Variants in ACMSD observed in about 807,000 individuals in gnomAD.
ACMSD encodes the protein 2-amino-3-carboxymuconate-6-semialdehyde decarboxylase.
A neutral mutation model predicts 45.9 loss-of-function variants in ACMSD; 37 were observed. The observed-to-expected ratio is 0.81, with a 90% CI of 0.62 to 1.06. ACMSD has a LOEUF of 1.06. Among genes scored for constraint, ACMSD ranks in the 50% least tolerant of loss-of-function variants. ACMSD has a pLI of 0.00. For missense variants in ACMSD, 434 were observed against 420.9 expected (o/e 1.03, Z -0.27); for synonymous variants, 138 against 148.8 (o/e 0.93, Z 0.53).
chr2:134,882,652 A>G (rs114840694), intron 8 of ACMSD, among the ~76,000 whole-genome samples: 1 of 152,240 alleles, frequency 6.6e-6, no homozygotes, highest in East Asian at 1.9e-4. Flanking sequence ...GGAACAAACT[A>G]AATCTCTGGT....
At chr2:134,900,825 G>A (rs1377413859) in intron 9 of ACMSD, among the ~76,000 whole-genome samples, 1 of 152,154 alleles carries the variant, frequency 6.6e-6, no homozygotes, top group East Asian at 1.9e-4. Context: ...ATAACTGGTG[G>A]GTTATAGTGT....
chr2:134,878,006 G>A (rs1240094476), intron 8 of ACMSD, among the ~76,000 whole-genome samples: 1 of 152,088 alleles, frequency 6.6e-6, no homozygotes, highest in Non-Finnish European at 1.5e-5. Flanking sequence ...TGCCCCAAAA[G>A]TCTCATCCAT....
At chr2:134,882,345 T>C (rs1689085432) in intron 8 of ACMSD, among the ~76,000 whole-genome samples, 1 of 152,126 alleles carries the variant, frequency 6.6e-6, no homozygotes, top group Admixed American at 6.6e-5. Context: ...GCTCTACTAC[T>C]AGTTAGGTGG....
chr2:134,880,414 C>G (rs1157306675), intron 8 of ACMSD, among the ~76,000 whole-genome samples: 1 of 152,054 alleles, frequency 6.6e-6, no homozygotes, highest in Non-Finnish European at 1.5e-5. Flanking sequence ...CTTCCCTCTG[C>G]TTTTTCTCTC....
At chr2:134,874,562 T>C (rs1311507001) in intron 8 of ACMSD, among the ~76,000 whole-genome samples, 6 of 152,002 alleles carry the variant, frequency 3.9e-5, no homozygotes, top group African/African-American at 9.7e-5. Flanking sequence ...AGAAAGAAAA[T>C]AATGGAACTG....
chr2:134,899,668 G>C (rs1056337386), intron 9 of ACMSD, among the ~76,000 whole-genome samples: 1 of 151,826 alleles, frequency 6.6e-6, no homozygotes, highest in African/African-American at 2.4e-5. Context: ...CTTGCATAAA[G>C]GCTTTATACT....
chr2:134,892,837 T>C (rs966807909), intron 8 of ACMSD, among the ~76,000 whole-genome samples: 1 of 152,088 alleles, frequency 6.6e-6, no homozygotes, highest in African/African-American at 2.4e-5. Flanking sequence ...GTTGAGTAAA[T>C]ACTTAGATGA....
chr2:134,864,905 C>T lies in ACMSD; in HGVS notation c.486+1274C>T, dbSNP rs185188335. 5.9e-5 allele frequency among the ~76,000 whole-genome samples: 9 copies of T among 152,302 alleles called. No individual in the cohort carries two copies. In the East Asian group the frequency reaches 1.7e-3, roughly 29 times the overall value. On this transcript the variant is annotated intron_variant, in intron 5 of 9. Transcript: ENST00000356140. ...ACTTTCAACTCTTTCTATAACCAAA[C>T]CTTCTCATCTCAGTACCAGGATTCA...
At chr2:134,842,424 G>A (rs1686847039) in intron 1 of ACMSD, among the ~76,000 whole-genome samples, 3 of 152,060 alleles carry the variant, frequency 2.0e-5, no homozygotes, top group African/African-American at 7.2e-5. Flanking sequence ...TGACCCCAGG[G>A]TATTCTATTT....
rs1216200576 is a variant in ACMSD, at chr2:134,901,973, T to A, written c.*113T>A. 14 of 606,444 alleles carry A rather than the reference T, an allele frequency of 2.3e-5. No homozygotes were observed. The highest frequency in any genetic ancestry group is 6.9e-5 in the Admixed American group (2 of 29,024). The allele number at this position is 606,444 out of a possible 1,614,324, so 37.6% of individuals were successfully genotyped here. A position where few individuals can be genotyped will look rare whatever the true frequency, so the allele number is the denominator to read the frequency against. On this transcript the variant is annotated 3_prime_UTR_variant, in exon 10 of 10. Transcript: ENST00000356140. ...TTGAACTATTTTACTCAGAAATGAA[T>A]GTCCCAAATATCCTAAATTATTCAT...
At chr2:134,863,074 T>A in intron 4 of ACMSD, 1 of 983,278 alleles carries the variant, frequency 1.0e-6, no homozygotes, top group Non-Finnish European at 1.2e-6. Flanking sequence ...CATTAAGATC[T>A]TTCTGCAGTT....
intron 2 of ACMSD, among the ~76,000 whole-genome samples, chr2:134,849,595 C>T (rs115508898): frequency 1.5e-3 from 228 of 152,314 alleles, no homozygotes; most frequent in African/African-American, 5.3e-3. Context: ...GATACCTGTT[C>T]TCTCAAAGTT....
intron 7 of ACMSD, among the ~76,000 whole-genome samples, chr2:134,872,205 C>T (rs991465300): frequency 2.6e-5 from 4 of 152,166 alleles, no homozygotes; most frequent in African/African-American, 9.7e-5. Context: ...GATCTGCCAT[C>T]CTTGGCCTCC....
chr2:134,887,166 T>C (rs1689510466), intron 8 of ACMSD, among the ~76,000 whole-genome samples: 1 of 152,194 alleles, frequency 6.6e-6, no homozygotes, highest in Admixed American at 6.5e-5. Context: ...TCTCCTCACA[T>C]TGATCTATAG....
intron 1 of ACMSD, among the ~76,000 whole-genome samples, chr2:134,844,696 C>T (rs1213799121): frequency 6.6e-6 from 1 of 152,160 alleles, no homozygotes. Flanking sequence ...AATGCAGGCG[C>T]TGGCTGATGG....
At chr2:134,840,921 C>T (rs537119061) in intron 1 of ACMSD, among the ~76,000 whole-genome samples, 3 of 152,298 alleles carry the variant, frequency 2.0e-5, no homozygotes, top group Non-Finnish European at 2.9e-5. Context: ...TGCTTCCCAC[C>T]CTTTCCCCGA....
At chr2:134,885,185 G>A (rs1689253820) in intron 8 of ACMSD, among the ~76,000 whole-genome samples, 1 of 139,072 alleles carries the variant, frequency 7.2e-6, no homozygotes, top group South Asian at 2.2e-4. Flanking sequence ...GATGGAGTGA[G>A]ACTTTGTCTC....
intron 1 of ACMSD, among the ~76,000 whole-genome samples, chr2:134,840,194 C>CAAAAAAAAAAAA (rs1300580743): frequency 2.9e-5 from 2 of 68,740 alleles, no homozygotes; most frequent in Non-Finnish European, 5.3e-5. Flanking sequence ...AAAAAAAAAA[C>CAAAAAAAAAAAA]CACTAATTCC....
intron 5 of ACMSD, among the ~76,000 whole-genome samples, chr2:134,865,203 G>C (rs1439633205): frequency 6.6e-6 from 1 of 152,174 alleles, no homozygotes; most frequent in Non-Finnish European, 1.5e-5. Flanking sequence ...GCCTTCTAAT[G>C]ACTTGAAAGA....
Sources: gnomAD v4.1 joint callset for allele counts (sites outside exome capture counted in the v4.1 genomes callset) on GRCh38, gnomAD v4.1.1 for gene constraint, MANE v1.5 for transcripts, NCBI Gene and HGNC (gene_info 2026-07-23, HGNC 2026-07-21) for gene names.